The following FTO variants were observed in gnomAD, a reference collection of about 807,000 sequenced individuals.
The protein encoded by FTO is alpha-ketoglutarate-dependent dioxygenase FTO.
A neutral mutation model predicts 63.9 loss-of-function variants in FTO; 47 were observed. The ratio of observed to expected loss-of-function variants is 0.74; its 90% CI spans 0.58 to 0.94. The LOEUF (loss-of-function observed/expected upper bound fraction) is 0.94, where lower values mean the gene tolerates loss of function less well. Among genes scored for constraint, FTO ranks in the 40% least tolerant of loss-of-function variants. FTO has a pLI of 0.00. For synonymous variants in FTO, 207 were observed against 224.4 expected, an observed-to-expected ratio of 0.92 and a Z score of 0.69; for missense variants, 562 against 618.1, an observed-to-expected ratio of 0.91 and a Z score of 0.96.
chr16:53,970,603 A>G (rs1274970794), intron 8 of FTO, among the ~76,000 whole-genome samples: 3 of 151,688 alleles, frequency 2.0e-5, no homozygotes, highest in East Asian at 1.9e-4. Context: ...AAAAAAAAAA[A>G]AAAAGAAAAG....
chr16:53,863,307 C>T (rs907222167), intron 4 of FTO, among the ~76,000 whole-genome samples: 2 of 152,172 alleles, frequency 1.3e-5, no homozygotes, highest in African/African-American at 2.4e-5. Context: ...TACTCCTTGC[C>T]TCTTTATCCT....
chr16:53,872,685 A>G (rs190022994), intron 4 of FTO, among the ~76,000 whole-genome samples: 1 of 152,280 alleles, frequency 6.6e-6, no homozygotes, highest in African/African-American at 2.4e-5. Flanking sequence ...CTGTCTTAAT[A>G]TCTTGCATTT....
intron 8 of FTO, among the ~76,000 whole-genome samples, chr16:53,983,892 T>A (rs1296598655): frequency 1.3e-5 from 2 of 152,218 alleles, no homozygotes; most frequent in African/African-American, 4.8e-5. Context: ...AAGGTATTTT[T>A]ATAAAAATTT....
At chr16:53,793,320 C>A (rs1180437783) in intron 1 of FTO, among the ~76,000 whole-genome samples, 2 of 152,150 alleles carry the variant, frequency 1.3e-5, no homozygotes, top group Admixed American at 6.5e-5. Flanking sequence ...AGGACACCTT[C>A]TTTTCCCTTT....
chr16:53,934,062 T>C lies in FTO; in HGVS notation c.1317T>C (p.Leu439=). 1 of 1,614,182 alleles carries C rather than the reference T, an allele frequency of 6.2e-7. No individual in the cohort carries two copies. Among genetic ancestry groups the C allele is most frequent in the South Asian group, 1.1e-5 (1 of 91,092 alleles). ...EQRNEILTAI[L]ASLTARQNLR... The stretch of plus-strand genomic sequence containing the variant: ...GGAATGAAATCTTGACTGCCATCCT[T>C]GCCTCGCTCACTGCACGCCAGAACC... Residue 439 remains leucine, a synonymous_variant, in exon 8 of 9, where the codon CTT becomes CTC. Transcript: ENST00000471389.
At chr16:54,005,056 C>T (rs1451829179) in intron 8 of FTO, among the ~76,000 whole-genome samples, 27 of 133,310 alleles carry the variant, frequency 2.0e-4, no homozygotes, top group African/African-American at 7.3e-4. Context: ...GGCCACAGAG[C>T]GAGGCTCCGT....
chr16:53,737,318 A>G (rs945425195), intron 1 of FTO, among the ~76,000 whole-genome samples: 3 of 152,260 alleles, frequency 2.0e-5, no homozygotes, highest in African/African-American at 7.2e-5. Flanking sequence ...ATACATTCTG[A>G]GAAATGCATT....
intron 1 of FTO, among the ~76,000 whole-genome samples, chr16:53,793,795 T>TA (rs934111366): frequency 2.6e-5 from 4 of 151,864 alleles, no homozygotes; most frequent in African/African-American, 9.7e-5. Context: ...AAATGAGAAA[T>TA]AAAAAAAATT....
At chr16:53,828,260 CCCAG>C (rs1369180316) in intron 3 of FTO, among the ~76,000 whole-genome samples, 10 of 152,058 alleles carry the variant, frequency 6.6e-5, no homozygotes, top group African/African-American at 2.4e-4. Flanking sequence ...CGCTCTGTCG[CCCAG>C]GCTGGAGTGC....
intron 7 of FTO, among the ~76,000 whole-genome samples, chr16:53,931,298 C>CTTAATT (rs2082276248): frequency 2.0e-5 from 2 of 101,964 alleles, no homozygotes; most frequent in African/African-American, 7.6e-5. Context: ...AACTATGTGA[C>CTTAATT]TTTTTTTTTT....
intron 7 of FTO, among the ~76,000 whole-genome samples, chr16:53,924,077 T>C (rs1235937854): frequency 6.6e-6 from 1 of 152,352 alleles, no homozygotes; most frequent in Middle Eastern, 3.4e-3. Context: ...TCAATATCCA[T>C]ATCTTTTCTT....
In FTO at chr16:54,119,412, C is replaced by T. The variant is rs1248020573; in HGVS notation, c.*7497C>T. 2 of 152,250 alleles carry T rather than the reference C, an allele frequency of 1.3e-5. No homozygotes were observed. The highest frequency in any genetic ancestry group is 6.5e-5 in the Admixed American group (1 of 15,278). The allele number at this position is 152,250 out of a possible 1,614,324, so 9.4% of individuals were successfully genotyped here. On this transcript the variant is annotated 3_prime_UTR_variant, in exon 9 of 9. Coordinates refer to ENST00000471389, the MANE Select transcript of FTO (RefSeq NM_001080432.3). ...CTTATAACTCATCCAACCCAGAAAA[C>T]TGGACCGCTGGTCACCTTCCTTCCC... is the stretch of plus-strand genomic sequence containing the variant.
intron 6 of FTO, among the ~76,000 whole-genome samples, chr16:53,888,613 T>A (rs973690559): frequency 4.6e-5 from 7 of 152,100 alleles, no homozygotes; most frequent in African/African-American, 7.2e-5. Flanking sequence ...AACCAACACG[T>A]CTGGCCAGAC....
intron 1 of FTO, among the ~76,000 whole-genome samples, chr16:53,759,966 A>G (rs1187323459): frequency 6.6e-6 from 1 of 152,078 alleles, no homozygotes; most frequent in Non-Finnish European, 1.5e-5. Flanking sequence ...TTGCTTGGTC[A>G]GGGATGTGGT....
At chr16:54,067,051 T>C (rs1338329696) in intron 8 of FTO, among the ~76,000 whole-genome samples, 1 of 152,244 alleles carries the variant, frequency 6.6e-6, no homozygotes, top group Non-Finnish European at 1.5e-5. Flanking sequence ...AAAGTTCCTT[T>C]AGTACATTTA....
chr16:53,992,769 C>T (rs6499661), intron 8 of FTO: 43,184 of 152,006 alleles, frequency 0.28, 7,156 homozygotes, highest in Non-Finnish European at 0.36. Context: ...TACTCTCCCA[C>T]TTGTAAAATG....
At chr16:54,059,634 G>A (rs1490401063) in intron 8 of FTO, among the ~76,000 whole-genome samples, 2 of 152,256 alleles carry the variant, frequency 1.3e-5, no homozygotes, top group African/African-American at 4.8e-5. Context: ...AGCAATAAGA[G>A]TGCATTACTG....
At chr16:53,789,173 T>C (rs2077829455) in intron 1 of FTO, among the ~76,000 whole-genome samples, 1 of 152,184 alleles carries the variant, frequency 6.6e-6, no homozygotes. Flanking sequence ...AATGGAACCA[T>C]TGGCATAACC....
intron 8 of FTO, among the ~76,000 whole-genome samples, chr16:53,962,449 A>G (rs2083103939): frequency 6.6e-6 from 1 of 152,156 alleles, no homozygotes; most frequent in Non-Finnish European, 1.5e-5. Context: ...CCTCCCTACT[A>G]GGAAACAGTA....
Sources: allele counts gnomAD v4.1 joint callset (sites outside exome capture counted in the v4.1 genomes callset), GRCh38; gene constraint gnomAD v4.1.1; transcripts MANE v1.5; gene names NCBI Gene and HGNC (gene_info 2026-07-23, HGNC 2026-07-21).